CDK8: variants seen among roughly 807,000 people sequenced by gnomAD.
CDK8 encodes cyclin dependent kinase 8, also known as cyclin-dependent kinase 8.
A neutral mutation model predicts 71.5 loss-of-function variants in CDK8; 29 were observed. That is an observed-to-expected ratio of 0.41 (90% confidence interval 0.30 to 0.55). The LOEUF (loss-of-function observed/expected upper bound fraction) is 0.55, where lower values mean the gene tolerates loss of function less well. CDK8 is among the 20% of genes least tolerant of loss of function. CDK8 has a pLI of 0.37. For missense variants in CDK8, 288 were observed against 572.6 expected (o/e 0.50, Z 5.07); for synonymous variants, 161 against 192.1 (o/e 0.84, Z 1.34).
At chr13:26,370,410 G>T (rs1167281301) in intron 4 of CDK8, among the ~76,000 whole-genome samples, 1 of 152,154 alleles carries the variant, frequency 6.6e-6, no homozygotes, top group East Asian at 1.9e-4. Context: ...GATTATCTTA[G>T]TAGTCATAAA....
At chr13:26,355,934 A>G (rs1873878412) in intron 4 of CDK8, among the ~76,000 whole-genome samples, 3 of 152,146 alleles carry the variant, frequency 2.0e-5, no homozygotes, top group Admixed American at 2.0e-4. Flanking sequence ...TTTAAATTTC[A>G]TGTAATAATA....
rs1201383345 is a variant in CDK8 at position 26,272,664 on chromosome 13, A to G, written c.128+17895A>G. On this transcript the variant is annotated intron_variant, in intron 1 of 12. Transcript: ENST00000381527. ...TATAGCATATACATACACCAGTAAC[A>G]TGGTCATTTATTATCAAGTATTATG... 2.6e-5 allele frequency among the ~76,000 whole-genome samples: 4 copies of G among 152,258 alleles called. No homozygotes were observed. The East Asian group carries it at 5.8e-4, about 22-fold the overall frequency.
intron 1 of CDK8, among the ~76,000 whole-genome samples, chr13:26,298,276 A>G (rs1369951125): frequency 3.3e-5 from 5 of 152,102 alleles, no homozygotes; most frequent in African/African-American, 1.2e-4. Context: ...GCAAGCCTGT[A>G]CTAAGTAATT....
intron 12 of CDK8, 76 bp from the exon 13 acceptor site, chr13:26,403,880 A>T: frequency 6.5e-7 from 1 of 1,537,814 alleles, no homozygotes. Context: ...AAACATAATG[A>T]CACTTCAGTC....
chr13:26,298,409 T>A (rs914186870), intron 1 of CDK8, among the ~76,000 whole-genome samples: 21 of 152,174 alleles, frequency 1.4e-4, no homozygotes, highest in Non-Finnish European at 2.1e-4. Flanking sequence ...AGAATTCCCT[T>A]TGTTCTTTCT....
At chr13:26,352,277 A>AC (rs1873712483) in intron 3 of CDK8, among the ~76,000 whole-genome samples, 1 of 152,034 alleles carries the variant, frequency 6.6e-6, no homozygotes, top group African/African-American at 2.4e-5. Flanking sequence ...GAGCGGTGGC[A>AC]GGATCTCCAC....
intron 2 of CDK8, among the ~76,000 whole-genome samples, chr13:26,339,402 A>G (rs377466553): frequency 6.6e-6 from 1 of 152,052 alleles, no homozygotes; most frequent in African/African-American, 2.4e-5. Context: ...GCAAAAAAAG[A>G]AAGTATACAT....
intron 1 of CDK8, among the ~76,000 whole-genome samples, chr13:26,268,123 CAA>C (rs1332212146): frequency 6.6e-6 from 1 of 152,070 alleles, no homozygotes; most frequent in Admixed American, 6.5e-5. Flanking sequence ...ATCAAAACTC[CAA>C]AAACAAAACT....
At chr13:26,376,548 A>G (rs1481585982) in intron 4 of CDK8, among the ~76,000 whole-genome samples, 1 of 152,208 alleles carries the variant, frequency 6.6e-6, no homozygotes, top group African/African-American at 2.4e-5. Context: ...CCAGCAATTG[A>G]AAAGTGTGTT....
chr13:26,355,155 A>G (rs767048953), intron 4 of CDK8, among the ~76,000 whole-genome samples: 7 of 152,124 alleles, frequency 4.6e-5, no homozygotes, highest in East Asian at 3.8e-4. Context: ...TCTTTCTTCT[A>G]GCTTTAGGGA....
Position 26,369,647 on chromosome 13 carries a change from G to A in CDK8, c.457-13167G>A, listed in dbSNP as rs201693522. Among the ~76,000 whole-genome samples, 14 of 146,340 alleles carry A rather than the reference G, an allele frequency of 9.6e-5. No homozygotes were observed. In the East Asian group the frequency reaches 2.7e-3, roughly 28 times the overall value. On this transcript the variant is annotated intron_variant, in intron 4 of 12. Transcript: ENST00000381527. ...GGGTTCATGCCATTCTCCTACCTCAGCCTCCCGAGTAGCTGGGACTACAGG... is the reference window on the plus strand; with the variant it reads ...GGGTTCATGCCATTCTCCTACCTCAACCTCCCGAGTAGCTGGGACTACAGG...
intron 6 of CDK8, among the ~76,000 whole-genome samples, chr13:26,391,564 CCAT>C (rs1240365719): frequency 6.6e-6 from 1 of 152,198 alleles, no homozygotes; most frequent in Non-Finnish European, 1.5e-5. Flanking sequence ...GCAAAGCCAT[CCAT>C]CATCCCTTTT....
At chr13:26,335,805 A>T (rs1016751618) in intron 1 of CDK8, among the ~76,000 whole-genome samples, 4 of 152,090 alleles carry the variant, frequency 2.6e-5, no homozygotes, top group Non-Finnish European at 5.9e-5. Flanking sequence ...TAATTTTAAT[A>T]CTAATTACTT....
At chr13:26,313,587 T>G (rs1442992017) in intron 1 of CDK8, among the ~76,000 whole-genome samples, 1 of 152,164 alleles carries the variant, frequency 6.6e-6, no homozygotes, top group Non-Finnish European at 1.5e-5. Flanking sequence ...TTCAGGGAAT[T>G]TGGTATGTAG....
At chr13:26,267,762 T>C (rs1208808037) in intron 1 of CDK8, among the ~76,000 whole-genome samples, 1 of 152,204 alleles carries the variant, frequency 6.6e-6, no homozygotes, top group Non-Finnish European at 1.5e-5. Flanking sequence ...TAAATGTCCT[T>C]TGCGTCTGTC....
At chr13:26,258,492 GGTGT>G (rs56993639) in intron 1 of CDK8, among the ~76,000 whole-genome samples, 131 of 147,508 alleles carry the variant, frequency 8.9e-4, no homozygotes, top group African/African-American at 2.2e-3. Context: ...TATCTAGAGG[GGTGT>G]GTGTGTGTGT....
At chr13:26,298,957 T>A (rs1873689821) in intron 1 of CDK8, among the ~76,000 whole-genome samples, 1 of 152,110 alleles carries the variant, frequency 6.6e-6, no homozygotes, top group African/African-American at 2.4e-5. Flanking sequence ...CTGTGGTAAT[T>A]TGCCCCTGGA....
At chr13:26,294,134 T>A (rs1212338522) in intron 1 of CDK8, among the ~76,000 whole-genome samples, 2 of 7,870 alleles carry the variant, frequency 2.5e-4, no homozygotes, top group Non-Finnish European at 1.9e-3. Flanking sequence ...TTCTGCACCT[T>A]TTTTTTTTTT....
At chr13:26,341,018 G>A (rs902012914) in intron 2 of CDK8, among the ~76,000 whole-genome samples, 1 of 152,102 alleles carries the variant, frequency 6.6e-6, no homozygotes, top group Non-Finnish European at 1.5e-5. Context: ...ACTGCACATG[G>A]GTGAATCATC....
Sources: allele counts gnomAD v4.1 joint callset (sites outside exome capture counted in the v4.1 genomes callset), GRCh38; gene constraint gnomAD v4.1.1; transcripts MANE v1.5; gene names NCBI Gene and HGNC (gene_info 2026-07-23, HGNC 2026-07-21).